FAM20C: variants seen among roughly 807,000 people sequenced by gnomAD.
FAM20C encodes extracellular serine/threonine protein kinase FAM20C.
In FAM20C, 40 loss-of-function variants were observed where a neutral mutation model predicts 51.5. The ratio of observed to expected loss-of-function variants is 0.78; its 90% CI spans 0.60 to 1.01. The LOEUF is 1.01. Ranked by LOEUF, FAM20C falls within the 50% of genes least tolerant of loss-of-function variation. The probability of loss-of-function intolerance (pLI) is 0.00; values close to 1 mark genes in which losing one functional copy is unlikely to be tolerated. For missense variants in FAM20C, 861 were observed against 844.7 expected (o/e 1.02, Z -0.24); for synonymous variants, 406 against 380.6 (o/e 1.07, Z -0.78).
intron 7 of FAM20C, 80 bp from the exon 8 acceptor site, chr7:256,925 C>T (rs541885459): frequency 2.9e-5 from 43 of 1,471,702 alleles, no homozygotes; most frequent in South Asian, 4.9e-5. Context: ...GAGGAGACGC[C>T]GCTCTGCAGA....
intron 3 of FAM20C, among the ~76,000 whole-genome samples, chr7:244,572 G>A (rs1002556646): frequency 6.6e-6 from 1 of 152,228 alleles, no homozygotes; most frequent in Non-Finnish European, 1.5e-5. Flanking sequence ...ACCCTGGCGG[G>A]CAGCATGTTC....
rs1788742230 is a variant in FAM20C at position 258,564 on chromosome 7, AC to A, written c.1446-79del. 5 of 1,394,410 alleles carry A rather than the reference AC, an allele frequency of 3.6e-6. 1 individual carries two copies. The Middle Eastern group carries it at 7.0e-4, about 195-fold the overall frequency. The allele number at this position is 1,394,410 out of a possible 1,614,324, so 86.4% of individuals were successfully genotyped here. On this transcript the variant is annotated intron_variant, in intron 8 of 9. Coordinates refer to ENST00000313766, the MANE Select transcript of FAM20C (RefSeq NM_020223.4). ...TGGGGTGTCGGGTACAGGCAGGTGG[AC>A]CCATGGCCCAGCTCCCAGCCCAGCA... is the stretch of plus-strand genomic sequence containing the variant.
Position 260,031 on chromosome 7 carries a change from C to T in FAM20C, c.*51C>T. ...GGACGGAGACAGAGGCGCCGGACCT[C>T]CCAGCAAGCGCATGCGCCCGTCGTG... On this transcript the variant is annotated 3_prime_UTR_variant, in exon 10 of 10. Coordinates refer to ENST00000313766, the MANE Select transcript of FAM20C (RefSeq NM_020223.4). 1 of 1,451,814 alleles carries T rather than the reference C, an allele frequency of 6.9e-7. No individual in the cohort carries two copies. The highest frequency in any genetic ancestry group is 1.4e-5 in the South Asian group (1 of 71,658). The allele number at this position is 1,451,814 out of a possible 1,614,324, so 89.9% of individuals were successfully genotyped here. A position where few individuals can be genotyped will look rare whatever the true frequency, so the allele number is the denominator to read the frequency against.
chr7:256,947 T>G, intron 7 of FAM20C, 58 bp from the exon 8 acceptor site: 1 of 1,523,120 alleles, frequency 6.6e-7, no homozygotes, highest in Non-Finnish European at 8.8e-7. Context: ...CACAGAGGCC[T>G]CTGAGCTACG....
chr7:196,907 C>T (rs1163146467), intron 2 of FAM20C, among the ~76,000 whole-genome samples: 2 of 152,206 alleles, frequency 1.3e-5, no homozygotes, highest in Non-Finnish European at 2.9e-5. Context: ...AGTCCTCTTC[C>T]CTCCATGCTG....
intron 2 of FAM20C, among the ~76,000 whole-genome samples, chr7:197,743 G>A (rs894187918): frequency 5.9e-5 from 9 of 152,168 alleles, no homozygotes; most frequent in Admixed American, 2.0e-4. Context: ...CTCCCTCACC[G>A]ACCGGTCAGC....
At chr7:227,052 G>A (rs973217692) in intron 3 of FAM20C, among the ~76,000 whole-genome samples, 5 of 152,056 alleles carry the variant, frequency 3.3e-5, no homozygotes, top group South Asian at 2.1e-4. Context: ...GACCCTGGCC[G>A]ACTGAGGATG....
In FAM20C at chr7:192,600, C is replaced by T. The variant is rs1015862405; in HGVS notation, c.-600C>T. 2.1e-4 allele frequency among the ~76,000 whole-genome samples: 32 copies of T among 150,664 alleles called. 1 individual carries two copies. The highest frequency in any genetic ancestry group is 5.3e-4 in the Admixed American group (8 of 15,174). ...GGCTCGGCCAGGCGGGAGCTGCGCT[C>T]GGGGCGGCCGCTGCACCTGCCCGGG... On this transcript the variant is annotated 5_prime_UTR_variant, in exon 1 of 10. Coordinates refer to ENST00000313766, the MANE Select transcript of FAM20C (RefSeq NM_020223.4).
At chr7:240,588 G>A (rs1787913530) in intron 3 of FAM20C, among the ~76,000 whole-genome samples, 1 of 152,072 alleles carries the variant, frequency 6.6e-6, no homozygotes. Flanking sequence ...GAGGTGGCAA[G>A]AGCTCAAGGC....
chr7:216,699 G>T (rs547575312), intron 3 of FAM20C, among the ~76,000 whole-genome samples: 2 of 136,162 alleles, frequency 1.5e-5, no homozygotes, highest in South Asian at 4.6e-4. Flanking sequence ...GTGTGTGTGT[G>T]AGACAGAGTG....
At chr7:246,763 CTG>C (rs1788184199) in intron 4 of FAM20C, among the ~76,000 whole-genome samples, 1 of 151,648 alleles carries the variant, frequency 6.6e-6, no homozygotes, top group Non-Finnish European at 1.5e-5. Flanking sequence ...GCAGGGCCCT[CTG>C]TGTCATCGTA....
intron 2 of FAM20C, among the ~76,000 whole-genome samples, chr7:196,709 C>A (rs1172989292): frequency 2.0e-5 from 3 of 152,212 alleles, no homozygotes; most frequent in Non-Finnish European, 2.9e-5. Flanking sequence ...TGACACAGGA[C>A]TTAGGTGTCC....
chr7:204,668 G>C (rs1439379963), intron 2 of FAM20C, among the ~76,000 whole-genome samples: 1 of 152,232 alleles, frequency 6.6e-6, no homozygotes, highest in East Asian at 1.9e-4. Flanking sequence ...GGCCTTTGCC[G>C]TGGTGAGCGC....
At chr7:233,489 C>T (rs1238735400) in intron 3 of FAM20C, among the ~76,000 whole-genome samples, 3 of 152,196 alleles carry the variant, frequency 2.0e-5, no homozygotes, top group African/African-American at 7.2e-5. Context: ...GCATCCTCTT[C>T]CCAGCCCAGA....
intron 3 of FAM20C, among the ~76,000 whole-genome samples, chr7:243,138 G>A (rs1377456016): frequency 1.0e-4 from 6 of 59,930 alleles, no homozygotes; most frequent in African/African-American, 3.6e-4. Flanking sequence ...TGTGCCACCC[G>A]GGAGACCTGT....
intron 9 of FAM20C, 118 bp from the exon 10 acceptor site, chr7:259,611 CCT>C: frequency 6.6e-6 from 7 of 1,053,660 alleles, no homozygotes; most frequent in Non-Finnish European, 7.2e-6. Context: ...TCTCTGTCCC[CCT>C]CTTTCTCTCT....
chr7:251,262 T>TCACGCCTGCACTGAGTGGCCGGGCACGGC lies in FAM20C; in HGVS notation c.1072+2832_1072+2833insCACGCCTGCACTGAGTGGCCGGGCACGGC, dbSNP rs1562396170. 9.5e-4 allele frequency among the ~76,000 whole-genome samples: 50 copies of TCACGCCTGCACTGAGTGGCCGGGCACGGC among 52,892 alleles called. 1 individual carries two copies. The highest frequency in any genetic ancestry group is 4.1e-3 in the African/African-American group (42 of 10,214). The allele number at this position is 52,892 out of a possible 152,430, so 34.7% of individuals were successfully genotyped here. The stretch of plus-strand genomic sequence containing the variant: ...GCCTGCACTGAGTGGCCGGGCACGG[T>TCACGCCTGCACTGAGTGGCCGGGCACGGC]GGCTCACACGCCTGCAATCCCAGTA... On this transcript the variant is annotated intron_variant, in intron 5 of 9. Transcript: ENST00000313766.
chr7:236,542 C>T (rs1787852684), intron 3 of FAM20C, among the ~76,000 whole-genome samples: 1 of 152,208 alleles, frequency 6.6e-6, no homozygotes, highest in Non-Finnish European at 1.5e-5. Flanking sequence ...CCCCTGGGAT[C>T]GTCTTGCTCC....
intron 2 of FAM20C, among the ~76,000 whole-genome samples, chr7:203,171 AG>A (rs1786209059): frequency 6.6e-6 from 1 of 152,146 alleles, no homozygotes; most frequent in Non-Finnish European, 1.5e-5. Context: ...ATCAGCTCTC[AG>A]TGGGTCCCTC....
Sources: gnomAD v4.1 joint callset for allele counts (sites outside exome capture counted in the v4.1 genomes callset) on GRCh38, gnomAD v4.1.1 for gene constraint, MANE v1.5 for transcripts, NCBI Gene and HGNC (gene_info 2026-07-23, HGNC 2026-07-21) for gene names.